Variants in MFSD12 observed in about 807,000 individuals in gnomAD.
MFSD12 encodes major facilitator superfamily domain containing 12, also known as major facilitator superfamily domain-containing protein 12.
MFSD12 carries 67 observed loss-of-function variants against 51.2 expected under a neutral mutation model. That is an observed-to-expected ratio of 1.31 (90% confidence interval 1.08 to 1.60). MFSD12 has a LOEUF of 1.60. MFSD12 is among the 40% of genes most tolerant of loss of function. MFSD12 has a pLI of 0.00. For synonymous variants in MFSD12, 441 were observed against 316.7 expected, an observed-to-expected ratio of 1.39 and a Z score of -4.17; for missense variants, 921 against 673.0, an observed-to-expected ratio of 1.37 and a Z score of -4.08.
downstream of MFSD12, chr19:3,543,828 G>C (rs765714432): frequency 6.6e-7 from 1 of 1,526,516 alleles, no homozygotes; most frequent in Non-Finnish European, 8.8e-7. Flanking sequence ...CCCACCTACA[G>C]TGCTCAACAG....
chr19:3,542,373 C>T (rs2030487541), downstream of MFSD12: 9 of 985,270 alleles, frequency 9.1e-6, no homozygotes, highest in Non-Finnish European at 1.1e-5. Context: ...TTGTTTTGAA[C>T]CCTGCTAGAC....
intron 6 of MFSD12, among the ~76,000 whole-genome samples, chr19:3,546,979 A>G (rs890488812): frequency 4.6e-5 from 7 of 152,044 alleles, no homozygotes; most frequent in Non-Finnish European, 8.8e-5. Flanking sequence ...GACTACAGGC[A>G]CCCGCCACCA....
intron 2 of MFSD12, among the ~76,000 whole-genome samples, chr19:3,549,282 T>C (rs969304247): frequency 4.6e-5 from 7 of 151,914 alleles, no homozygotes; most frequent in African/African-American, 1.5e-4. Flanking sequence ...GCCCATCCCA[T>C]CCCCTCCCCG....
At chr19:3,543,021 CGATGTGT>C, downstream of MFSD12, 1 of 1,604,160 alleles carries the variant, frequency 6.2e-7, no homozygotes, top group Non-Finnish European at 8.5e-7. Flanking sequence ...GCTTGGGGTG[CGATGTGT>C]GGGGAGAGGG....
intron 6 of MFSD12, among the ~76,000 whole-genome samples, chr19:3,547,057 C>A (rs1405795616): frequency 6.6e-6 from 1 of 152,180 alleles, no homozygotes; most frequent in Admixed American, 6.5e-5. Context: ...CCAGGATGGT[C>A]TCGATCTCCT....
downstream of MFSD12, chr19:3,539,601 C>T (rs956423795): frequency 3.5e-6 from 1 of 286,126 alleles, no homozygotes; most frequent in Admixed American, 4.8e-5. Context: ...GTCTGTCCCA[C>T]ACCTCTTGCA....
chr19:3,554,583 T>G (rs8101162), intron 1 of MFSD12, among the ~76,000 whole-genome samples: 16,179 of 152,242 alleles, frequency 0.11, 1,122 homozygotes, highest in African/African-American at 0.2. Context: ...GTGAGGACTG[T>G]TCCTACCTTT....
At chr19:3,543,375 C>T, downstream of MFSD12, 1 of 1,549,368 alleles carries the variant, frequency 6.5e-7, no homozygotes, top group Non-Finnish European at 8.7e-7. Flanking sequence ...GCCTGGGAAG[C>T]CTGGTACAAC....
At chr19:3,539,528 C>A, downstream of MFSD12, 1 of 490,330 alleles carries the variant, frequency 2.0e-6, no homozygotes, top group Non-Finnish European at 3.7e-6. Context: ...GCTTCGGCCA[C>A]AGAAATGTTC....
Position 3,551,005 on chromosome 19 carries a change from T to A in MFSD12, c.488A>T (p.Lys163Met). ...CCACCTGAGTGCCGTGAGCTCCACC[T>A]TCTCATGGTCGTTGGTGACGAGCTC... is the stretch of plus-strand genomic sequence containing the variant. ...IPELVTNDHE[K>M]VELTALRYAF... The change falls in exon 2 of 10, where the codon AAG becomes ATG. Residue 163 changes from lysine (K) to methionine (M), a missense_variant. Transcript: ENST00000355415. The surrounding 1 kb of genome is among the most constrained non-coding windows in gnomAD (Gnocchi z 4.6). The A allele has an allele frequency of 6.2e-7, 1 of 1,612,308 alleles. No individual in the cohort carries two copies. The highest frequency in any genetic ancestry group is 8.5e-7 in the Non-Finnish European group (1 of 1,179,936).
rs1319911926 is a variant in MFSD12 at position 3,548,251 on chromosome 19, C to T, written c.526G>A (p.Val176Met). 1 of 1,549,932 alleles carries T rather than the reference C, an allele frequency of 6.5e-7. No individual in the cohort carries two copies. ...LTALRYAFTV[V>M]ANITVYGAAW... ...GCGCCGTAGACGGTGATGTTGGCCA[C>T]CACGGTGAACGCATACCTGGCGGGC... The change falls in exon 3 of 10, where the codon GTG (valine) becomes ATG (methionine). Residue 176 changes from valine to methionine, a missense_variant. Transcript: ENST00000355415.
At chr19:3,538,577 C>T (rs2030088853) in exon 5 of MFSD12, 1 of 409,592 alleles carries the variant, frequency 2.4e-6, no homozygotes, top group Admixed American at 2.7e-5. Context: ...AGCGTGACAT[C>T]CTCAAGGTGC....
rs375464453 is a variant in MFSD12, at chr19:3,551,009, C to T, written c.484G>A (p.Glu162Lys). 6.2e-6 allele frequency: 10 copies of T among 1,612,450 alleles called. No homozygotes were observed. Among genetic ancestry groups the T allele is most frequent in the Non-Finnish European group, 8.5e-6 (10 of 1,179,972 alleles). The change falls in exon 2 of 10, where the codon GAG becomes AAG. Residue 162 changes from glutamate (E) to lysine (K), a missense_variant. Glu to Lys is a moderately conservative substitution (Grantham distance 56, BLOSUM62 1). Transcript: ENST00000355415. The surrounding 1 kb of genome is among the most constrained non-coding windows in gnomAD (Gnocchi z 4.6). ...CTGAGTGCCGTGAGCTCCACCTTCT[C>T]ATGGTCGTTGGTGACGAGCTCCGGG... Reference protein sequence around the residue: ...LIPELVTNDHEKVELTALRYA... With the variant: ...LIPELVTNDHKKVELTALRYA...
At chr19:3,550,422 C>A (rs1285129107) in intron 2 of MFSD12, among the ~76,000 whole-genome samples, 2 of 151,494 alleles carry the variant, frequency 1.3e-5, no homozygotes, top group African/African-American at 2.4e-5. Context: ...GACGGAATCT[C>A]GCTCTGTCGC....
chr19:3,540,706 C>T (rs1341242027), downstream of MFSD12, among the ~76,000 whole-genome samples: 4 of 150,488 alleles, frequency 2.7e-5, no homozygotes, highest in African/African-American at 9.8e-5. Context: ...ATGGTGAAAC[C>T]CCGTCTCTAC....
downstream of MFSD12, among the ~76,000 whole-genome samples, chr19:3,540,629 C>T (rs938717911): frequency 1.3e-5 from 2 of 151,490 alleles, no homozygotes; most frequent in African/African-American, 4.8e-5. Context: ...CCTGTAATTC[C>T]AGCACTTTCG....
chr19:3,539,255 GTACAGGTGAGCCCCTCCC>G, downstream of MFSD12: 830 of 1,547,776 alleles, frequency 5.4e-4, 1 homozygote, highest in African/African-American at 3.7e-3. Context: ...CAGCACCGCT[GTACAGGTGAGCCCCTCCC>G]TACAGGTGAG....
downstream of MFSD12, chr19:3,543,942 G>A: frequency 1.3e-6 from 2 of 1,551,112 alleles, no homozygotes; most frequent in South Asian, 1.2e-5. Flanking sequence ...CCGGGAGTGG[G>A]TCCTGGAACC....
chr19:3,541,611 G>A, downstream of MFSD12: 7 of 983,234 alleles, frequency 7.1e-6, no homozygotes, highest in African/African-American at 1.7e-5. Context: ...ATGAGCCACC[G>A]CACCCAGTGC....
Sources: gnomAD v4.1 joint callset for allele counts (sites outside exome capture counted in the v4.1 genomes callset) on GRCh38, gnomAD v4.1.1 for gene constraint, Gnocchi (gnomAD v3.1) non-coding constraint, MANE v1.5 for transcripts, NCBI Gene and HGNC (gene_info 2026-07-23, HGNC 2026-07-21) for gene names.